ATG10: variants seen among roughly 807,000 people sequenced by gnomAD.
The protein encoded by ATG10 is autophagy related 10, also known as ubiquitin-like-conjugating enzyme ATG10.
A neutral mutation model predicts 32.1 loss-of-function variants in ATG10; 30 were observed. The observed-to-expected ratio is 0.94, with a 90% CI of 0.70 to 1.27. The LOEUF (loss-of-function observed/expected upper bound fraction) is 1.27, where lower values mean the gene tolerates loss of function less well. Ranked by LOEUF, ATG10 falls within the 50% of genes most tolerant of loss-of-function variation. ATG10 has a pLI of 0.00. For missense variants in ATG10, 233 were observed against 262.3 expected, an observed-to-expected ratio of 0.89 and a Z score of 0.77; for synonymous variants, 87 against 91.5, an observed-to-expected ratio of 0.95 and a Z score of 0.28.
At chr5:82,081,291 A>C (rs991496331) in intron 3 of ATG10, among the ~76,000 whole-genome samples, 2 of 152,240 alleles carry the variant, frequency 1.3e-5, no homozygotes, top group African/African-American at 4.8e-5. Flanking sequence ...ATATACAATC[A>C]TGTTATCTGC....
intron 5 of ATG10, among the ~76,000 whole-genome samples, chr5:82,246,354 A>C (rs962398027): frequency 6.6e-6 from 1 of 151,982 alleles, no homozygotes; most frequent in Admixed American, 6.6e-5. Context: ...TACAGGTGTG[A>C]GCCACCATGC....
At chr5:82,101,294 T>C (rs530348195) in intron 3 of ATG10, among the ~76,000 whole-genome samples, 1 of 152,156 alleles carries the variant, frequency 6.6e-6, no homozygotes, top group Non-Finnish European at 1.5e-5. Flanking sequence ...TGTGGTAAGT[T>C]GCTCAGACTC....
At position 82,141,875 on chromosome 5, in the gene ATG10, G is replaced by A. The variant is rs1230898282; in HGVS notation, c.217-22524G>A. Among the ~76,000 whole-genome samples the A allele has an allele frequency of 2.6e-5, 4 of 151,408 alleles. No individual in the cohort carries two copies. The East Asian group carries it at 5.8e-4, about 22-fold the overall frequency. ...GAAAAAAAAAAAATTCCAGTTGCCC[G>A]TGGGATAGCCTCCCTCATATCATCT... On this transcript the variant is annotated intron_variant, in intron 3 of 7. Coordinates refer to ENST00000282185, the MANE Select transcript of ATG10 (RefSeq NM_031482.5).
intron 3 of ATG10, among the ~76,000 whole-genome samples, chr5:82,067,436 T>C (rs1449354029): frequency 2.0e-5 from 3 of 152,188 alleles, no homozygotes; most frequent in Non-Finnish European, 2.9e-5. Flanking sequence ...GCACTGAAAC[T>C]ATTTGAACCA....
rs868401168 is a variant in ATG10, at chr5:82,004,057, C to T, written c.108+16379C>T. Among the ~76,000 whole-genome samples the T allele has an allele frequency of 2.6e-5, 4 of 152,002 alleles. 1 individual carries two copies. The South Asian group carries it at 8.3e-4, about 32-fold the overall frequency. ...CTGAGACAGGAGAATCACTTGAAGC[C>T]GGGAGGTGGAGGTTGCAGTGAGCCG... On this transcript the variant is annotated intron_variant, in intron 2 of 7. Transcript: ENST00000282185.
At chr5:82,043,356 C>T (rs1000325078) in intron 2 of ATG10, among the ~76,000 whole-genome samples, 1 of 152,214 alleles carries the variant, frequency 6.6e-6, no homozygotes, top group Non-Finnish European at 1.5e-5. Context: ...GCCCACAGAA[C>T]CATTTTTCCT....
At chr5:82,016,095 C>T (rs1358887782) in intron 2 of ATG10, among the ~76,000 whole-genome samples, 3 of 151,980 alleles carry the variant, frequency 2.0e-5, no homozygotes, top group Admixed American at 1.3e-4. Flanking sequence ...TAAATTGTCT[C>T]GTCTATTTAT....
chr5:82,141,129 T>C (rs1767109350), intron 3 of ATG10, among the ~76,000 whole-genome samples: 1 of 143,134 alleles, frequency 7.0e-6, no homozygotes, highest in African/African-American at 2.6e-5. Flanking sequence ...CAGAGACCTT[T>C]GTTCACTTGT....
At chr5:82,083,834 A>C (rs1000130193) in intron 3 of ATG10, among the ~76,000 whole-genome samples, 3 of 152,228 alleles carry the variant, frequency 2.0e-5, no homozygotes, top group Non-Finnish European at 4.4e-5. Flanking sequence ...TGTCACCATC[A>C]TCAAAGACCA....
intron 5 of ATG10, among the ~76,000 whole-genome samples, chr5:82,198,689 G>A (rs1744951662): frequency 6.6e-6 from 1 of 152,214 alleles, no homozygotes; most frequent in African/African-American, 2.4e-5. Context: ...CACATTCTAA[G>A]GACAGGCCAC....
At chr5:82,075,231 T>C (rs2149773143) in intron 3 of ATG10, among the ~76,000 whole-genome samples, 1 of 152,262 alleles carries the variant, frequency 6.6e-6, no homozygotes, top group East Asian at 1.9e-4. Flanking sequence ...AAGGACTCTT[T>C]GTTTAAGGCA....
At chr5:82,219,132 C>T (rs751204074) in intron 5 of ATG10, among the ~76,000 whole-genome samples, 5 of 152,148 alleles carry the variant, frequency 3.3e-5, no homozygotes, top group Non-Finnish European at 5.9e-5. Context: ...AGAACAGTTT[C>T]AAACTGGAAA....
intron 1 of ATG10, among the ~76,000 whole-genome samples, chr5:81,976,843 A>G (rs1244081098): frequency 1.3e-5 from 2 of 152,208 alleles, no homozygotes; most frequent in Non-Finnish European, 2.9e-5. Context: ...TCCAGCATAA[A>G]TGGGTTAACC....
intron 2 of ATG10, among the ~76,000 whole-genome samples, chr5:82,024,902 G>C (rs972235096): frequency 1.1e-4 from 16 of 152,222 alleles, no homozygotes; most frequent in African/African-American, 3.9e-4. Flanking sequence ...ATTTATGTCT[G>C]AAGGAGGTGA....
At chr5:82,136,941 T>A (rs566297379) in intron 3 of ATG10, among the ~76,000 whole-genome samples, 1 of 152,266 alleles carries the variant, frequency 6.6e-6, no homozygotes, top group South Asian at 2.1e-4. Context: ...CTTGTCTTCA[T>A]GCTTCATTTC....
chr5:82,197,458 A>ACC (rs1744899135), intron 5 of ATG10, among the ~76,000 whole-genome samples: 2 of 113,116 alleles, frequency 1.8e-5, no homozygotes, highest in South Asian at 3.3e-4. Context: ...CTATCTGTCT[A>ACC]TCTACCTACC....
At chr5:82,230,577 CAA>C (rs1349426012) in intron 5 of ATG10, among the ~76,000 whole-genome samples, 3 of 151,492 alleles carry the variant, frequency 2.0e-5, no homozygotes, top group Admixed American at 2.0e-4. Context: ...ACTAAAAATA[CAA>C]AAACTTAGCC....
intron 2 of ATG10, among the ~76,000 whole-genome samples, chr5:82,047,057 A>G (rs1420765318): frequency 6.6e-6 from 1 of 152,072 alleles, no homozygotes; most frequent in Non-Finnish European, 1.5e-5. Context: ...TCAGTGAGCA[A>G]ACAAACATAA....
chr5:82,127,959 G>C (rs550325102), intron 3 of ATG10, among the ~76,000 whole-genome samples: 1 of 152,062 alleles, frequency 6.6e-6, no homozygotes, highest in Admixed American at 6.6e-5. Context: ...ATGAATCTAG[G>C]TGGTCCTGTA....
Sources: gnomAD v4.1 joint callset for allele counts (sites outside exome capture counted in the v4.1 genomes callset) on GRCh38, gnomAD v4.1.1 for gene constraint, MANE v1.5 for transcripts, NCBI Gene and HGNC (gene_info 2026-07-23, HGNC 2026-07-21) for gene names.